Variants in JAKMIP3 observed in about 807,000 individuals in gnomAD.
JAKMIP3 encodes the protein Janus kinase and microtubule interacting protein 3, also known as janus kinase and microtubule-interacting protein 3.
A neutral mutation model predicts 118.5 loss-of-function variants in JAKMIP3; 58 were observed. The ratio of observed to expected loss-of-function variants is 0.49; its 90% CI spans 0.40 to 0.61. JAKMIP3 has a LOEUF of 0.61. JAKMIP3 is among the 20% of genes least tolerant of loss of function. The pLI, the probability that JAKMIP3 is intolerant of heterozygous loss-of-function variation, is 0.00. For missense variants in JAKMIP3, 950 were observed against 1,109.0 expected, an observed-to-expected ratio of 0.86 and a Z score of 2.04; for synonymous variants, 486 against 451.2, an observed-to-expected ratio of 1.08 and a Z score of -0.98.
chr10:132,167,135 A>G, intron 22 of JAKMIP3, 80 bp downstream of exon 22: 2 of 983,038 alleles, frequency 2.0e-6, no homozygotes, highest in Non-Finnish European at 3.1e-6. Flanking sequence ...CCTGCCAGGG[A>G]GTTGCCCACC....
At chr10:132,074,332 G>A (rs967640159) in intron 1 of JAKMIP3, among the ~76,000 whole-genome samples, 3 of 152,226 alleles carry the variant, frequency 2.0e-5, no homozygotes, top group African/African-American at 7.2e-5. Context: ...GATTACAGGT[G>A]TGGGCCATGG....
At chr10:132,061,315 C>G (rs2038392551), upstream of JAKMIP3, among the ~76,000 whole-genome samples, 1 of 152,172 alleles carries the variant, frequency 6.6e-6, no homozygotes, top group Non-Finnish European at 1.5e-5. Flanking sequence ...CGTTAGGCAC[C>G]AAGGAGTAAA....
rs114670776 is a variant in JAKMIP3, at chr10:132,183,654, G to C, written c.*2401G>C. Reference sequence around the variant, plus strand: ...TGCTGAATAACATCCAAACTGCATCGCGTCTCTGCCCCATTCCTGAAAGCA... The same window carrying C: ...TGCTGAATAACATCCAAACTGCATCCCGTCTCTGCCCCATTCCTGAAAGCA... On this transcript the variant is annotated 3_prime_UTR_variant, in exon 24 of 24. Transcript: ENST00000684848. 1.3e-5 allele frequency: 2 copies of C among 152,160 alleles called. No homozygotes were observed. Among genetic ancestry groups the C allele is most frequent in the African/African-American group, 4.8e-5 (2 of 41,440 alleles). The allele number at this position is 152,160 out of a possible 1,614,324, so 9.4% of individuals were successfully genotyped here.
rs115169428 is a variant in JAKMIP3, at chr10:132,142,671, C to T, written c.1602+623C>T. On this transcript the variant is annotated intron_variant, in intron 11 of 23. Transcript: ENST00000684848. Reference sequence around the variant, plus strand: ...CCAGGCCTCGTGGGGAGAGCGTGGGCCATGGGTCGGGGGTCCTCTTGCCGC... The same window carrying T: ...CCAGGCCTCGTGGGGAGAGCGTGGGTCATGGGTCGGGGGTCCTCTTGCCGC... 3.4e-3 allele frequency among the ~76,000 whole-genome samples: 524 copies of T among 152,290 alleles called. 1 individual carries two copies. Among genetic ancestry groups the T allele is most frequent in the African/African-American group, 0.012 (494 of 41,572 alleles).
At chr10:132,039,746 G>A (rs1014529000) in intron 1 of JAKMIP3, among the ~76,000 whole-genome samples, 5 of 152,366 alleles carry the variant, frequency 3.3e-5, no homozygotes, top group South Asian at 2.1e-4. Context: ...GAAGATGGGG[G>A]AAGCTTCATT....
At chr10:132,152,603 A>G (rs560634527) in intron 16 of JAKMIP3, among the ~76,000 whole-genome samples, 1 of 152,284 alleles carries the variant, frequency 6.6e-6, no homozygotes, top group East Asian at 1.9e-4. Flanking sequence ...GGCTTTAAAC[A>G]CAGAAGGGGA....
chr10:132,094,630 C>A (rs1365067427), intron 1 of JAKMIP3, among the ~76,000 whole-genome samples: 1 of 152,122 alleles, frequency 6.6e-6, no homozygotes, highest in East Asian at 1.9e-4. Context: ...TGGACACCAG[C>A]ACCTGTTCCG....
chr10:132,046,434 T>C (rs1159913819), intron 1 of JAKMIP3, among the ~76,000 whole-genome samples: 2 of 149,490 alleles, frequency 1.3e-5, no homozygotes, highest in African/African-American at 4.9e-5. Context: ...CCAGCCTGGG[T>C]GACAGAGCAA....
intron 23 of JAKMIP3, among the ~76,000 whole-genome samples, chr10:132,172,090 C>G (rs1411525903): frequency 2.6e-5 from 4 of 152,188 alleles, no homozygotes; most frequent in African/African-American, 9.7e-5. Flanking sequence ...CTCATCCTGT[C>G]TCTGTAGTGC....
chr10:132,114,911 A>G (rs554798284), intron 2 of JAKMIP3, among the ~76,000 whole-genome samples: 1 of 152,316 alleles, frequency 6.6e-6, no homozygotes, highest in East Asian at 1.9e-4. Context: ...CTGATGATAT[A>G]TAGAAATCCA....
chr10:132,179,742 C>T lies in JAKMIP3; in HGVS notation c.*1104-2615C>T, dbSNP rs1225019465. 6.6e-6 allele frequency among the ~76,000 whole-genome samples: 1 copy of T among 152,056 alleles called. No individual in the cohort carries two copies. Among genetic ancestry groups the T allele is most frequent in the Non-Finnish European group, 1.5e-5 (1 of 68,004 alleles). On this transcript the variant is annotated intron_variant, in intron 23 of 23. Coordinates refer to ENST00000684848, the MANE Select transcript of JAKMIP3 (RefSeq NM_001323087.2). The surrounding 1 kb of genome is among the most constrained non-coding windows in gnomAD (Gnocchi z 4.3). ...CGGCAGGGTCGCACCACAGCAGGGT[C>T]ACGCCACGGCAGGGTCACACCACAA... is the stretch of plus-strand genomic sequence containing the variant.
At chr10:132,134,650 G>A (rs1405430046) in intron 4 of JAKMIP3, among the ~76,000 whole-genome samples, 4 of 152,214 alleles carry the variant, frequency 2.6e-5, no homozygotes, top group Non-Finnish European at 5.9e-5. Context: ...CAGCGGCAGG[G>A]GCCAGGCAGA....
In JAKMIP3 at chr10:132,168,598, G is replaced by A. The variant is rs555208444; in HGVS notation, c.*668G>A. Reference sequence around the variant, plus strand: ...GTGGGGACAGACAAGAGCCGTGGCCGCCGCGGGCCGCGTGGTGCCATCAAC... The same window carrying A: ...GTGGGGACAGACAAGAGCCGTGGCCACCGCGGGCCGCGTGGTGCCATCAAC... On this transcript the variant is annotated 3_prime_UTR_variant, in exon 23 of 24. Transcript: ENST00000684848. 3.9e-5 allele frequency: 14 copies of A among 355,266 alleles called. No individual in the cohort carries two copies. Among genetic ancestry groups the A allele is most frequent in the Middle Eastern group, 1.0e-3 (1 of 996 alleles). 22.0% of individuals were successfully genotyped at this position (355,266 alleles called of 1,614,324 possible). A position where few individuals can be genotyped will look rare whatever the true frequency, so the allele number is the denominator to read the frequency against.
intron 1 of JAKMIP3, among the ~76,000 whole-genome samples, chr10:132,081,041 C>A (rs2041701642): frequency 6.6e-6 from 1 of 152,158 alleles, no homozygotes; most frequent in South Asian, 2.1e-4. Flanking sequence ...TGTCATGAAA[C>A]TTTTGCCTTA....
chr10:132,121,164 CAG>C (rs1176889086), intron 3 of JAKMIP3, among the ~76,000 whole-genome samples: 1 of 152,100 alleles, frequency 6.6e-6, no homozygotes, highest in Non-Finnish European at 1.5e-5. Context: ...CAAGTGTCAG[CAG>C]AGTCAGTAGA....
intron 1 of JAKMIP3, among the ~76,000 whole-genome samples, chr10:132,084,157 C>A (rs1341880028): frequency 6.6e-6 from 1 of 152,056 alleles, no homozygotes; most frequent in African/African-American, 2.4e-5. Context: ...TTGATTCTAC[C>A]CATCCATGGG....
chr10:132,079,512 G>T (rs2134168834), intron 1 of JAKMIP3, among the ~76,000 whole-genome samples: 1 of 152,306 alleles, frequency 6.6e-6, no homozygotes, highest in South Asian at 2.1e-4. Context: ...AACAAGCCAG[G>T]AGGGTTGACA....
intron 22 of JAKMIP3, 125 bp from the exon 23 acceptor site, chr10:132,167,828 A>ACCCCTCGGCCCTCGCCCCTCG (rs2059081795): frequency 4.5e-6 from 2 of 441,198 alleles, no homozygotes; most frequent in African/African-American, 5.2e-5. Flanking sequence ...CTCGGCCCTC[A>ACCCCTCGGCCCTCGCCCCTCG]CCCCTCGGCC....
chr10:132,137,020 G>T lies in JAKMIP3; in HGVS notation c.1118G>T (p.Arg373Ile), dbSNP rs2135788626. ...KFVTQENIEM[R>I]QRAGIIRRPS... ...GATGTGGGCTGCTTGGCGTTTCAGA[G>T]ACAGAGAGCTGGAATCATACGGAGA... Residue 373 changes from arginine (R) to isoleucine (I), a missense_variant and splice_region_variant, in exon 7 of 24, where the codon AGA becomes ATA. By Grantham distance (97) the Arg-to-Ile change is moderately conservative (BLOSUM62 -3). Coordinates refer to ENST00000684848, the MANE Select transcript of JAKMIP3 (RefSeq NM_001323087.2). The T allele has an allele frequency of 6.2e-7, 1 of 1,613,372 alleles. No individual in the cohort carries two copies. The highest frequency in any genetic ancestry group is 1.1e-5 in the South Asian group (1 of 90,988).
Sources: gnomAD v4.1 joint callset for allele counts (sites outside exome capture counted in the v4.1 genomes callset) on GRCh38, gnomAD v4.1.1 for gene constraint, Gnocchi (gnomAD v3.1) non-coding constraint, MANE v1.5 for transcripts, NCBI Gene and HGNC (gene_info 2026-07-23, HGNC 2026-07-21) for gene names.